Variants in RIPOR1 observed in about 807,000 individuals in gnomAD.
RIPOR1 encodes the protein RHO family interacting cell polarization regulator 1, also known as rho family-interacting cell polarization regulator 1.
In RIPOR1, 58 loss-of-function variants were observed where a neutral mutation model predicts 116.5. The ratio of observed to expected loss-of-function variants is 0.50; its 90% CI spans 0.40 to 0.62. The LOEUF is 0.62. Ranked by LOEUF, RIPOR1 falls within the 20% of genes least tolerant of loss-of-function variation. The pLI, the probability that RIPOR1 is intolerant of heterozygous loss-of-function variation, is 0.00. For missense variants in RIPOR1, 1,372 were observed against 1,586.2 expected, an observed-to-expected ratio of 0.86 and a Z score of 2.29; for synonymous variants, 605 against 650.0, an observed-to-expected ratio of 0.93 and a Z score of 1.05.
Position 67,540,752 on chromosome 16 carries a change from C to T in RIPOR1, c.801+48C>T. 6.5e-7 allele frequency: 1 copy of T among 1,534,388 alleles called. No individual in the cohort carries two copies. ...CAGGCCACCATGGCCCTGTGAACCC[C>T]TTGTGACCCCCATTACCCTGAGTCC... is the stretch of plus-strand genomic sequence containing the variant. On this transcript the variant is annotated intron_variant, in intron 10 of 21. Transcript: ENST00000042381. This position sits in a 1 kb window ranked among gnomAD's most constrained non-coding sequence, Gnocchi z 4.7.
At chr16:67,522,799 A>G (rs1427190634) in intron 1 of RIPOR1, among the ~76,000 whole-genome samples, 2 of 147,846 alleles carry the variant, frequency 1.4e-5, no homozygotes, top group Non-Finnish European at 3.0e-5. Context: ...CAGCCCCCCA[A>G]CCCCCCGCCT....
In RIPOR1 at chr16:67,537,534, G is replaced by C. The variant is rs2050827923; in HGVS notation, c.-23-890G>C. On this transcript the variant is annotated intron_variant, in intron 1 of 21. Transcript: ENST00000042381. The surrounding 1 kb of genome is among the most constrained non-coding windows in gnomAD (Gnocchi z 4.6). ...GGCTCGAAGTGGCCAGGGCCGGAAGGTCCGCGGGGGGCGAGCGCGGGTCGG... is the reference window on the plus strand; with the variant it reads ...GGCTCGAAGTGGCCAGGGCCGGAAGCTCCGCGGGGGGCGAGCGCGGGTCGG... 2 of 1,345,824 alleles carry C rather than the reference G, an allele frequency of 1.5e-6. No individual in the cohort carries two copies. Among genetic ancestry groups the C allele is most frequent in the African/African-American group, 3.0e-5 (2 of 65,992 alleles). The allele number at this position is 1,345,824 out of a possible 1,614,324, so 83.4% of individuals were successfully genotyped here.
rs374554782 is a variant in RIPOR1, at chr16:67,543,478, G to A, written c.2600+9G>A. 1.3e-6 allele frequency: 2 copies of A among 1,549,620 alleles called. No individual in the cohort carries two copies. The highest frequency in any genetic ancestry group is 1.7e-6 in the Non-Finnish European group (2 of 1,147,168). On this transcript the variant is annotated intron_variant, in intron 14 of 21. Coordinates refer to ENST00000042381, the MANE Select transcript of RIPOR1 (RefSeq NM_024519.4). The surrounding 1 kb of genome is among the most constrained non-coding windows in gnomAD (Gnocchi z 4.7). ...GATGTTCCTGGGGACAGGTGAGGGGGCTAGGCAAGATGGGTGTGAGGCTAG... is the reference window on the plus strand; with the variant it reads ...GATGTTCCTGGGGACAGGTGAGGGGACTAGGCAAGATGGGTGTGAGGCTAG...
Position 67,543,431 on chromosome 16 carries a change from TGAAGAC to T in RIPOR1, c.2568_2573del (p.Glu859_Asp860del), listed in dbSNP as rs933651365. 26 of 1,563,710 alleles carry T rather than the reference TGAAGAC, an allele frequency of 1.7e-5. No individual in the cohort carries two copies. The highest frequency in any genetic ancestry group is 2.3e-5 in the Non-Finnish European group (26 of 1,153,362). ...CCTTGGAGAGCTTCAGCTTCCTCAA[TGAAGAC>T]GAAGATGAAGACAATGATGTTCCTG... On this transcript the variant is annotated inframe_deletion, in exon 14 of 22. Coordinates refer to ENST00000042381, the MANE Select transcript of RIPOR1 (RefSeq NM_024519.4). This position sits in a 1 kb window ranked among gnomAD's most constrained non-coding sequence, Gnocchi z 4.7.
intron 1 of RIPOR1, among the ~76,000 whole-genome samples, chr16:67,534,706 C>G (rs1295156458): frequency 2.0e-5 from 3 of 152,090 alleles, no homozygotes; most frequent in Non-Finnish European, 4.4e-5. Context: ...CATTTGTCCT[C>G]TCTTGGGTTT....
rs1474392674 is a variant in RIPOR1 at position 67,541,552 on chromosome 16, C to T, written c.924C>T (p.Ile308=). 1.2e-6 allele frequency: 2 copies of T among 1,614,124 alleles called. No homozygotes were observed. The highest frequency in any genetic ancestry group is 1.7e-6 in the Non-Finnish European group (2 of 1,179,996). ...VAVDINDLGT[I]KLSLEVTWSP... is the part of the protein sequence containing the mutation. Reference sequence around the variant, plus strand: ...TGGATATCAATGACCTTGGTACCATCAAGCTCAGCCTGGAAGTCACATGGA... The same window carrying T: ...TGGATATCAATGACCTTGGTACCATTAAGCTCAGCCTGGAAGTCACATGGA... The change falls in exon 11 of 22, where the codon ATC becomes ATT. Residue 308 remains isoleucine (I), a synonymous_variant. Coordinates refer to ENST00000042381, the MANE Select transcript of RIPOR1 (RefSeq NM_024519.4). This position sits in a 1 kb window ranked among gnomAD's most constrained non-coding sequence, Gnocchi z 4.6.
intron 1 of RIPOR1, among the ~76,000 whole-genome samples, chr16:67,521,714 A>AC (rs1203962036): frequency 6.6e-6 from 1 of 152,152 alleles, no homozygotes; most frequent in Admixed American, 6.5e-5. Context: ...AATGACAGCG[A>AC]CACTGGCCAG....
Position 67,531,531 on chromosome 16 carries a change from T to C in RIPOR1, c.-24+2617T>C. 1 of 426,484 alleles carries C rather than the reference T, an allele frequency of 2.3e-6. No homozygotes were observed. The highest frequency in any genetic ancestry group is 2.1e-5 in the African/African-American group (1 of 48,470). The allele number at this position is 426,484 out of a possible 1,614,324, so 26.4% of individuals were successfully genotyped here. A position where few individuals can be genotyped will look rare whatever the true frequency, so the allele number is the denominator to read the frequency against. On this transcript the variant is annotated intron_variant, in intron 1 of 21. Transcript: ENST00000042381. The surrounding 1 kb of genome is among the most constrained non-coding windows in gnomAD (Gnocchi z 4.2). ...GCCTGCTTCCTGGAGGAAGAAGTCA[T>C]AGGGTAGACTTGAGGAAGGAGAGGG...
At chr16:67,546,316 G>C in intron 21 of RIPOR1, 50 bp from the exon 22 acceptor site, 1 of 1,607,270 alleles carries the variant, frequency 6.2e-7, no homozygotes, top group African/African-American at 1.3e-5. Context: ...AGGGGTGGGA[G>C]AGTGGGATGG....
In RIPOR1 at chr16:67,544,010, A is replaced by G. The variant is rs533041699; in HGVS notation, c.2601-289A>G. Reference sequence around the variant, plus strand: ...CAGCCCCATGCCCTGCACCCTTTGCAGTCCACTTGTCATAAACCATCCCGC... The same window carrying G: ...CAGCCCCATGCCCTGCACCCTTTGCGGTCCACTTGTCATAAACCATCCCGC... On this transcript the variant is annotated intron_variant, in intron 14 of 21. Transcript: ENST00000042381. The surrounding 1 kb of genome is among the most constrained non-coding windows in gnomAD (Gnocchi z 5.1). Among the ~76,000 whole-genome samples the G allele has an allele frequency of 7.6e-4, 115 of 152,074 alleles. No homozygotes were observed. Among genetic ancestry groups the G allele is most frequent in the African/African-American group, 2.6e-3 (107 of 41,472 alleles).
chr16:67,523,209 C>A (rs1364673642), intron 1 of RIPOR1, among the ~76,000 whole-genome samples: 1 of 152,076 alleles, frequency 6.6e-6, no homozygotes, highest in East Asian at 1.9e-4. Flanking sequence ...GGCCTATGTG[C>A]ACCTCCTTTA....
chr16:67,529,802 G>A lies in RIPOR1; in HGVS notation c.-24+888G>A, dbSNP rs1243949771. ...CCTGGGCCTGCCGCATTCGGCCAACGCACAGCATCTGAGGAGGGTTATGAC... is the reference window on the plus strand; with the variant it reads ...CCTGGGCCTGCCGCATTCGGCCAACACACAGCATCTGAGGAGGGTTATGAC... On this transcript the variant is annotated intron_variant, in intron 1 of 21. Transcript: ENST00000042381. The surrounding 1 kb of genome is among the most constrained non-coding windows in gnomAD (Gnocchi z 4.1). 2.0e-6 allele frequency: 3 copies of A among 1,535,942 alleles called. No homozygotes were observed. The highest frequency in any genetic ancestry group is 2.6e-6 in the Non-Finnish European group (3 of 1,146,880).
rs2051089211 is a variant in RIPOR1, at chr16:67,544,195, T to A, written c.2601-104T>A. 2.8e-6 allele frequency: 4 copies of A among 1,438,226 alleles called. No homozygotes were observed. 89.1% of individuals were successfully genotyped at this position (1,438,226 alleles called of 1,614,324 possible). A position where few individuals can be genotyped will look rare whatever the true frequency, so the allele number is the denominator to read the frequency against. ...TACCCCACTGTCTGCTGTCGGTGCA[T>A]CATCTTCTTCCTTTCTGGCATGGGG... On this transcript the variant is annotated intron_variant, in intron 14 of 21. Coordinates refer to ENST00000042381, the MANE Select transcript of RIPOR1 (RefSeq NM_024519.4). This position sits in a 1 kb window ranked among gnomAD's most constrained non-coding sequence, Gnocchi z 5.1.
intron 1 of RIPOR1, among the ~76,000 whole-genome samples, chr16:67,520,483 A>T (rs2050486836): frequency 6.6e-6 from 1 of 151,882 alleles, no homozygotes; most frequent in Admixed American, 6.6e-5. Flanking sequence ...AGAGGCCCTG[A>T]AGTTGTACCC....
Position 67,541,253 on chromosome 16 carries a change from TGA to T in RIPOR1, c.802-174_802-173del. 5 of 547,540 alleles carry T rather than the reference TGA, an allele frequency of 9.1e-6. No individual in the cohort carries two copies. Among genetic ancestry groups the T allele is most frequent in the Admixed American group, 2.9e-5 (1 of 35,058 alleles). 33.9% of individuals were successfully genotyped at this position (547,540 alleles called of 1,614,324 possible). On this transcript the variant is annotated intron_variant, in intron 10 of 21. Transcript: ENST00000042381. The surrounding 1 kb of genome is among the most constrained non-coding windows in gnomAD (Gnocchi z 4.6). ...TAAAAATTTTTTTTTTTTTTTTTTT[TGA>T]GACAGAGTCTTGCCATGTTGCCCAA...
chr16:67,532,722 T>A (rs2050692508), intron 1 of RIPOR1, among the ~76,000 whole-genome samples: 2 of 151,652 alleles, frequency 1.3e-5, no homozygotes, highest in Non-Finnish European at 2.9e-5. Context: ...AGGTGCGAAG[T>A]GGAGCTAATA....
In RIPOR1 at chr16:67,540,456, A is replaced by G. The variant is rs2050946923; in HGVS notation, c.632-2A>G. 4 of 1,614,144 alleles carry G rather than the reference A, an allele frequency of 2.5e-6. No individual in the cohort carries two copies. The highest frequency in any genetic ancestry group is 8.5e-7 in the Non-Finnish European group (1 of 1,179,994). ...GACTTCTCCCCTTCTCCTCCAACTC[A>G]GGGCTGGCTGGCTTCGCCAGGCTGT... On this transcript the variant is annotated splice_acceptor_variant, in intron 8 of 21. Coordinates refer to ENST00000042381, the MANE Select transcript of RIPOR1 (RefSeq NM_024519.4). LOFTEE classifies it high-confidence loss of function. This position sits in a 1 kb window ranked among gnomAD's most constrained non-coding sequence, Gnocchi z 4.7.
At position 67,546,566 on chromosome 16, in the gene RIPOR1, C is replaced by G. The variant is rs2051177134; in HGVS notation, c.*103C>G. The stretch of plus-strand genomic sequence containing the variant: ...GCTGGCTCCAGATACCCCTCCCCCA[C>G]AGATTCCTAGCAATGAAAATCTAAT... On this transcript the variant is annotated 3_prime_UTR_variant, in exon 22 of 22. Transcript: ENST00000042381. 1.2e-6 allele frequency: 1 copy of G among 848,994 alleles called. No individual in the cohort carries two copies. Among genetic ancestry groups the G allele is most frequent in the Non-Finnish European group, 1.9e-6 (1 of 532,006 alleles). The allele number at this position is 848,994 out of a possible 1,614,324, so 52.6% of individuals were successfully genotyped here. A position where few individuals can be genotyped will look rare whatever the true frequency, so the allele number is the denominator to read the frequency against.
chr16:67,538,845 C>T, intron 3 of RIPOR1, 21 bp downstream of exon 3: 1 of 1,611,544 alleles, frequency 6.2e-7, no homozygotes, highest in South Asian at 1.1e-5. Flanking sequence ...CCTCTGTTCC[C>T]AGCCCTGTCC....
Sources: allele counts gnomAD v4.1 joint callset (sites outside exome capture counted in the v4.1 genomes callset), GRCh38; gene constraint gnomAD v4.1.1; non-coding constraint Gnocchi (gnomAD v3.1); transcripts MANE v1.5; gene names NCBI Gene and HGNC (gene_info 2026-07-23, HGNC 2026-07-21).